Variants in WDR27 observed in about 807,000 individuals in gnomAD.
The protein encoded by WDR27 is WD repeat-containing protein 27.
A neutral mutation model predicts 114.4 loss-of-function variants in WDR27; 100 were observed. The ratio of observed to expected loss-of-function variants is 0.87; its 90% CI spans 0.74 to 1.03. The LOEUF (loss-of-function observed/expected upper bound fraction) is 1.03. Ranked by LOEUF, WDR27 falls within the 50% of genes least tolerant of loss-of-function variation. The pLI, the probability that WDR27 is intolerant of heterozygous loss-of-function variation, is 0.00. For missense variants in WDR27, 1,129 were observed against 1,092.9 expected (o/e 1.03, Z -0.47); for synonymous variants, 449 against 423.1 (o/e 1.06, Z -0.75).
Position 169,516,689 on chromosome 6 carries a change from T to C in WDR27, c.2645+55730A>G, listed in dbSNP as rs530372262. ...CATGTGTGTCCCCAAGAGCTGGGCA[T>C]GCTAACAAAGAACCTGAGACGGCTC... On this transcript the variant is annotated intron_variant, in intron 25 of 25. Coordinates refer to ENST00000448612, the MANE Select transcript of WDR27 (RefSeq NM_182552.5). Among the ~76,000 whole-genome samples, 35 of 151,830 alleles carry C rather than the reference T, an allele frequency of 2.3e-4. No individual in the cohort carries two copies. In the South Asian group the frequency reaches 7.1e-3, roughly 31 times the overall value.
chr6:169,529,283 CGCTA>C lies in WDR27; in HGVS notation c.2645+43132_2645+43135del, dbSNP rs572035228. ...ATTCAGGGAGAGAATGAAGTTTACA[CGCTA>C]GCACGTTAACGGTGGTGACCTCTGC... On this transcript the variant is annotated intron_variant, in intron 25 of 25. Coordinates refer to ENST00000448612, the MANE Select transcript of WDR27 (RefSeq NM_182552.5). Among the ~76,000 whole-genome samples the C allele has an allele frequency of 4.0e-4, 53 of 134,114 alleles. No homozygotes were observed. The South Asian group carries it at 0.012, about 31-fold the overall frequency. The allele number at this position is 134,114 out of a possible 152,430, so 88.0% of individuals were successfully genotyped here.
rs1467892058 is a variant in WDR27, at chr6:169,659,547, A to C, written c.1130-29T>G. ...CAGTTGAGCGAAGACCAGGAAGAAC[A>C]TGATGGGGAGGGAGGTAGCACATAC... On this transcript the variant is annotated intron_variant, in intron 10 of 25. Coordinates refer to ENST00000448612, the MANE Select transcript of WDR27 (RefSeq NM_182552.5). The surrounding 1 kb of genome is among the most constrained non-coding windows in gnomAD (Gnocchi z 4.3). 4 of 1,594,148 alleles carry C rather than the reference A, an allele frequency of 2.5e-6. No individual in the cohort carries two copies. Among genetic ancestry groups the C allele is most frequent in the Non-Finnish European group, 8.5e-7 (1 of 1,170,482 alleles).
intron 17 of WDR27, among the ~76,000 whole-genome samples, chr6:169,639,373 A>G (rs570635174): frequency 9.2e-5 from 14 of 152,342 alleles, no homozygotes; most frequent in Admixed American, 8.5e-4. Context: ...AGAAAAGAAC[A>G]TGATAACATT....
intron 23 of WDR27, among the ~76,000 whole-genome samples, chr6:169,594,719 T>G (rs1806432332): frequency 1.3e-5 from 2 of 152,240 alleles, no homozygotes; most frequent in African/African-American, 2.4e-5. Flanking sequence ...TCATATAATC[T>G]GCTTTATTTT....
chr6:169,555,990 A>AG lies in WDR27; in HGVS notation c.2645+16428dup, dbSNP rs759459371. Among the ~76,000 whole-genome samples, 13 of 152,274 alleles carry AG rather than the reference A, an allele frequency of 8.5e-5. No homozygotes were observed. In the South Asian group the frequency reaches 2.1e-3, roughly 24 times the overall value. On this transcript the variant is annotated intron_variant, in intron 25 of 25. Transcript: ENST00000448612. ...AATCAGTTTGTGATGGAGGTAGAGG[A>AG]GGGACCCATGCCCTCATGTGACCCC...
At chr6:169,613,993 G>C (rs1310425117) in intron 21 of WDR27, among the ~76,000 whole-genome samples, 3 of 152,132 alleles carry the variant, frequency 2.0e-5, no homozygotes, top group Non-Finnish European at 4.4e-5. Flanking sequence ...TAAATCATCT[G>C]AAAGATGCCC....
At chr6:169,481,132 G>A (rs1189527929) in intron 25 of WDR27, among the ~76,000 whole-genome samples, 2 of 151,714 alleles carry the variant, frequency 1.3e-5, no homozygotes. Context: ...AGCACTCTGT[G>A]TCTAGCTAAA....
chr6:169,642,309 C>CCG (rs397953422), intron 17 of WDR27, among the ~76,000 whole-genome samples: 2 of 151,846 alleles, frequency 1.3e-5, no homozygotes, highest in East Asian at 1.9e-4. Flanking sequence ...CCTTCCCCCC[C>CCG]GCCCACAGAA....
chr6:169,538,279 A>ATGATCCTTCAGTC (rs1796418285), intron 25 of WDR27, among the ~76,000 whole-genome samples: 1 of 152,188 alleles, frequency 6.6e-6, no homozygotes, highest in Non-Finnish European at 1.5e-5. Context: ...ACATCTCCAG[A>ATGATCCTTCAGTC]TGATCCTTCA....
At position 169,651,982 on chromosome 6, in the gene WDR27, G is replaced by A. The variant is rs41265379; in HGVS notation, c.1429C>T (p.Arg477Cys). ...RAARNVMKDQ[R>C]LVFHSKVRSS... ...CTAACTTTACTATGGAAAACCAGGC[G>A]TTGGTCCTTCATGACGTTCCGTGCA... The change falls in exon 14 of 26, where the codon CGC becomes TGC. Residue 477 changes from arginine to cysteine, a missense_variant. Physicochemically the swap from Arg to Cys is radical, Grantham distance 180 (BLOSUM62 -3). Transcript: ENST00000448612. The A allele has an allele frequency of 7.7e-4, 1,235 of 1,613,828 alleles. 2 individuals are homozygous for A. The highest frequency in any genetic ancestry group is 9.6e-4 in the Non-Finnish European group (1,133 of 1,179,850).
chr6:169,491,329 G>A (rs1789722999), intron 25 of WDR27, among the ~76,000 whole-genome samples: 1 of 152,142 alleles, frequency 6.6e-6, no homozygotes, highest in Admixed American at 6.5e-5. Context: ...GTAGGGTGTA[G>A]GGTGGGGTTA....
intron 25 of WDR27, among the ~76,000 whole-genome samples, chr6:169,474,379 T>G (rs996407097): frequency 1.3e-5 from 2 of 152,230 alleles, no homozygotes; most frequent in Non-Finnish European, 2.9e-5. Context: ...TACTAAGAAC[T>G]TTAGACAATA....
chr6:169,583,918 C>A (rs1804061485), intron 23 of WDR27, among the ~76,000 whole-genome samples: 1 of 152,102 alleles, frequency 6.6e-6, no homozygotes, highest in South Asian at 2.1e-4. Flanking sequence ...GTATTTGTGA[C>A]AAGAACAGCT....
chr6:169,516,656 T>C (rs1793682688), intron 25 of WDR27, among the ~76,000 whole-genome samples: 1 of 152,068 alleles, frequency 6.6e-6, no homozygotes, highest in Admixed American at 6.6e-5. Flanking sequence ...CCTGGAAATC[T>C]AGAAGGTCAT....
intron 1 of WDR27, among the ~76,000 whole-genome samples, chr6:169,698,877 A>C: frequency 6.6e-6 from 1 of 152,214 alleles, no homozygotes; most frequent in East Asian, 1.9e-4. Flanking sequence ...GCAAGAGAGA[A>C]ACATTTAGTG....
At chr6:169,479,327 C>T (rs1270285532) in intron 25 of WDR27, among the ~76,000 whole-genome samples, 1 of 152,042 alleles carries the variant, frequency 6.6e-6, no homozygotes, top group Non-Finnish European at 1.5e-5. Context: ...TAAATCAAAA[C>T]TACAATGAGA....
chr6:169,578,167 C>G (rs76825592), intron 24 of WDR27, among the ~76,000 whole-genome samples: 2 of 152,226 alleles, frequency 1.3e-5, no homozygotes, highest in Non-Finnish European at 2.9e-5. Flanking sequence ...AGATTTCAAG[C>G]TGTAAGGCGC....
intron 25 of WDR27, among the ~76,000 whole-genome samples, chr6:169,555,487 G>A (rs1444200924): frequency 6.6e-6 from 1 of 152,142 alleles, no homozygotes; most frequent in African/African-American, 2.4e-5. Context: ...AGGCAGTGAA[G>A]AGGATGAAAA....
chr6:169,579,827 G>A (rs550282320), intron 24 of WDR27, among the ~76,000 whole-genome samples: 3 of 152,266 alleles, frequency 2.0e-5, no homozygotes, highest in South Asian at 2.1e-4. Context: ...CACTTTGCTC[G>A]AAAAAACCTG....
Sources: allele counts gnomAD v4.1 joint callset (sites outside exome capture counted in the v4.1 genomes callset), GRCh38; gene constraint gnomAD v4.1.1; non-coding constraint Gnocchi (gnomAD v3.1); transcripts MANE v1.5; gene names NCBI Gene and HGNC (gene_info 2026-07-23, HGNC 2026-07-21).